FIBCD1: variants seen among roughly 807,000 people sequenced by gnomAD.
FIBCD1 encodes fibrinogen C domain-containing protein 1.
FIBCD1 carries 47 observed loss-of-function variants against 45.1 expected under a neutral mutation model. That is an observed-to-expected ratio of 1.04 (90% CI 0.82 to 1.33). The LOEUF (loss-of-function observed/expected upper bound fraction) is 1.33. FIBCD1 is among the 40% of genes most tolerant of loss of function. The probability of loss-of-function intolerance (pLI) is 0.00; values close to 1 mark genes in which losing one functional copy is unlikely to be tolerated. For synonymous variants in FIBCD1, 313 were observed against 308.1 expected (o/e 1.02, Z -0.17); for missense variants, 653 against 682.2 (o/e 0.96, Z 0.48).
intron 5 of FIBCD1, among the ~76,000 whole-genome samples, chr9:130,906,987 G>A (rs1390031838): frequency 1.3e-5 from 2 of 152,148 alleles, no homozygotes; most frequent in African/African-American, 4.8e-5. Context: ...TAAGGAGCTG[G>A]CCCAGGTCAC....
chr9:130,910,656 G>A (rs1208060130), intron 5 of FIBCD1, among the ~76,000 whole-genome samples: 4 of 152,060 alleles, frequency 2.6e-5, no homozygotes, highest in African/African-American at 7.3e-5. Context: ...TCGGCACTCT[G>A]TATCTAGCTC....
At chr9:130,921,124 C>T (rs1225011900) in intron 4 of FIBCD1, among the ~76,000 whole-genome samples, 2 of 152,218 alleles carry the variant, frequency 1.3e-5, no homozygotes, top group African/African-American at 2.4e-5. Context: ...TGCTGAGTTG[C>T]ACCCTTGCCC....
intron 1 of FIBCD1, among the ~76,000 whole-genome samples, chr9:130,932,656 C>A (rs146573005): frequency 6.6e-6 from 1 of 152,352 alleles, no homozygotes; most frequent in Non-Finnish European, 1.5e-5. Flanking sequence ...ACTCCACTCC[C>A]CCCAGCTTGG....
intron 4 of FIBCD1, among the ~76,000 whole-genome samples, chr9:130,914,223 C>T (rs940441449): frequency 7.9e-5 from 12 of 152,242 alleles, no homozygotes; most frequent in Non-Finnish European, 1.0e-4. Flanking sequence ...CCACCCTCCC[C>T]CAGCCCTCCC....
intron 1 of FIBCD1, 131 bp downstream of exon 1, chr9:130,938,405 G>T: frequency 1.4e-6 from 1 of 728,444 alleles, no homozygotes; most frequent in Non-Finnish European, 2.0e-6. Context: ...CCCCATCCCG[G>T]CCCGGGCCTC....
intron 1 of FIBCD1, 147 bp from the exon 2 acceptor site, chr9:130,930,193 TGAGA>T: frequency 9.8e-7 from 1 of 1,022,548 alleles, no homozygotes; most frequent in Non-Finnish European, 1.4e-6. Flanking sequence ...AGACAGGCAC[TGAGA>T]GACAGTCCAA....
chr9:130,919,659 A>G (rs1241755859), intron 4 of FIBCD1, among the ~76,000 whole-genome samples: 1 of 152,126 alleles, frequency 6.6e-6, no homozygotes, highest in Non-Finnish European at 1.5e-5. Context: ...AGGGGAGCCA[A>G]TTACAGGCAG....
At chr9:130,919,625 G>C (rs7031196) in intron 4 of FIBCD1, among the ~76,000 whole-genome samples, 21 of 152,056 alleles carry the variant, frequency 1.4e-4, no homozygotes, top group African/African-American at 4.1e-4. Context: ...GAGCTCAGGT[G>C]GGGGGATGTG....
At position 130,924,252 on chromosome 9, in the gene FIBCD1, G is replaced by T; in HGVS notation, c.697C>A (p.Arg233=). ...CCCCACTCACCAGTGGCACAGCCCCGGGGCCGGGTTCCCCGGGCAGGCGCT... is the reference window on the plus strand; with the variant it reads ...CCCCACTCACCAGTGGCACAGCCCCTGGGCCGGGTTCCCCGGGCAGGCGCT... ...QRAPARGTRP[R]GCATGSRPRD... is the part of the protein sequence containing the mutation. The change falls in exon 3 of 7, where the codon CGG becomes AGG. Residue 233 remains arginine (R), a synonymous_variant. Transcript: ENST00000372338. The T allele has an allele frequency of 6.3e-7, 1 of 1,596,554 alleles. No individual in the cohort carries two copies.
chr9:130,928,397 A>C (rs950048354), intron 2 of FIBCD1, among the ~76,000 whole-genome samples: 2 of 152,182 alleles, frequency 1.3e-5, no homozygotes, highest in Non-Finnish European at 2.9e-5. Flanking sequence ...GTCCCAGGTC[A>C]GCCAGAAAGT....
rs1426017515 is a variant in FIBCD1 at position 130,923,831 on chromosome 9, G to A, written c.762C>T (p.Asp254=). ...CLDVLLSGQQ[D]DGVYSVFPTH... is the part of the protein sequence containing the mutation. ...TGGGAAAGACAGAGTAGACGCCATC[G>A]TCCTGCTGTCCGCTTAGGAGGACGT... Residue 254 remains aspartate (D), a synonymous_variant, in exon 4 of 7, where the codon GAC becomes GAT. Coordinates refer to ENST00000372338, the MANE Select transcript of FIBCD1 (RefSeq NM_032843.5). The A allele has an allele frequency of 6.2e-6, 10 of 1,612,782 alleles. No homozygotes were observed. The highest frequency in any genetic ancestry group is 2.2e-5 in the East Asian group (1 of 44,874).
chr9:130,938,479 C>G (rs1018692188), intron 1 of FIBCD1, 57 bp downstream of exon 1: 2 of 1,392,672 alleles, frequency 1.4e-6, no homozygotes, highest in Non-Finnish European at 9.4e-7. Context: ...CCCGCCGGCC[C>G]GAGCGGCCAC....
At chr9:130,905,471 G>A in intron 5 of FIBCD1, 58 bp from the exon 6 acceptor site, 1 of 1,520,598 alleles carries the variant, frequency 6.6e-7, no homozygotes, top group Non-Finnish European at 8.9e-7. Flanking sequence ...CGACTCCCCA[G>A]GGAGAAATGA....
rs374186246 is a variant in FIBCD1, at chr9:130,924,400, C to T, written c.553-4G>A. The T allele has an allele frequency of 1.1e-5, 17 of 1,604,604 alleles. No homozygotes were observed. The highest frequency in any genetic ancestry group is 1.4e-5 in the Non-Finnish European group (16 of 1,177,010). ...GGCCCTGGCTCTCAGAGAGAAGCTG[C>T]GGAGCACAGGGGGTGAGCCGAGGGG... On this transcript the variant is annotated splice_region_variant and splice_polypyrimidine_tract_variant and intron_variant, in intron 2 of 6. Transcript: ENST00000372338.
chr9:130,929,702 C>A lies in FIBCD1; in HGVS notation c.417G>T (p.Thr139=). The part of the protein sequence containing the change: ...VGDQEQELLD[T]LADQLPRLLA... Reference sequence around the variant, plus strand: ...GCAGCCGGGGCAGCTGGTCGGCCAGCGTGTCCAGCAGCTCCTGCTCCTGGT... The same window carrying A: ...GCAGCCGGGGCAGCTGGTCGGCCAGAGTGTCCAGCAGCTCCTGCTCCTGGT... The change falls in exon 2 of 7, where the codon ACG becomes ACT. Residue 139 remains threonine, a synonymous_variant. Coordinates refer to ENST00000372338, the MANE Select transcript of FIBCD1 (RefSeq NM_032843.5). 1 of 1,602,682 alleles carries A rather than the reference C, an allele frequency of 6.2e-7. No individual in the cohort carries two copies. Among genetic ancestry groups the A allele is most frequent in the Non-Finnish European group, 8.5e-7 (1 of 1,175,372 alleles).
intron 4 of FIBCD1, among the ~76,000 whole-genome samples, chr9:130,913,939 C>T (rs1299224134): frequency 6.6e-6 from 1 of 152,120 alleles, no homozygotes; most frequent in Non-Finnish European, 1.5e-5. Context: ...GCAGGGGAGC[C>T]CAGTGGTTGT....
At chr9:130,937,673 G>A (rs1026645484) in intron 1 of FIBCD1, among the ~76,000 whole-genome samples, 4 of 152,190 alleles carry the variant, frequency 2.6e-5, no homozygotes, top group South Asian at 4.1e-4. Flanking sequence ...CTTGGTGAGC[G>A]AGCGGCCTCC....
chr9:130,905,365 T>A lies in FIBCD1; in HGVS notation c.995A>T (p.His332Leu). 1 of 1,614,018 alleles carries A rather than the reference T, an allele frequency of 6.2e-7. No homozygotes were observed. Among genetic ancestry groups the A allele is most frequent in the Non-Finnish European group, 8.5e-7 (1 of 1,179,970 alleles). Residue 332 changes from histidine (H) to leucine (L), a missense_variant, in exon 6 of 7, where the codon CAC (histidine) becomes CTC (leucine). Physicochemically the swap from His to Leu is moderately conservative, Grantham distance 99. Coordinates refer to ENST00000372338, the MANE Select transcript of FIBCD1 (RefSeq NM_032843.5). Reference sequence around the variant, plus strand: ...ATTCTCAAAGTCCTCCAGGTCCACGTGCAGCTCGTAGGCAGCCTGTGTGGT... The same window carrying A: ...ATTCTCAAAGTCCTCCAGGTCCACGAGCAGCTCGTAGGCAGCCTGTGTGGT... The part of the protein sequence containing the change: ...ALTTQAAYEL[H>L]VDLEDFENGT...
intron 2 of FIBCD1, among the ~76,000 whole-genome samples, chr9:130,925,681 G>A (rs546151316): frequency 2.6e-5 from 4 of 152,264 alleles, no homozygotes; most frequent in Admixed American, 6.5e-5. Flanking sequence ...GTCCCCCAGC[G>A]CCTCTGCCTG....
Sources: gnomAD v4.1 joint callset for allele counts (sites outside exome capture counted in the v4.1 genomes callset) on GRCh38, gnomAD v4.1.1 for gene constraint, MANE v1.5 for transcripts, NCBI Gene and HGNC (gene_info 2026-07-23, HGNC 2026-07-21) for gene names.